Variants in ZNF407 observed in about 807,000 individuals in gnomAD.
The protein encoded by ZNF407 is zinc finger protein 407.
Under a neutral mutation model 131.2 loss-of-function variants are expected in ZNF407, and 17 were observed. The observed-to-expected ratio is 0.13, with a 90% CI of 0.09 to 0.19. ZNF407 has a LOEUF of 0.19. Among genes scored for constraint, ZNF407 ranks in the 10% least tolerant of loss-of-function variants. The pLI is 1.00. For missense variants in ZNF407, 2,681 were observed against 2,830.6 expected (o/e 0.95, Z 1.20); for synonymous variants, 1,156 against 1,062.0 (o/e 1.09, Z -1.72).
intron 3 of ZNF407, among the ~76,000 whole-genome samples, chr18:74,765,094 A>G (rs984151913): frequency 6.6e-6 from 1 of 152,146 alleles, no homozygotes; most frequent in African/African-American, 2.4e-5. Context: ...CATTATTTTT[A>G]TGTAAGGGAC....
Position 75,064,141 on chromosome 18 carries a change from G to A in ZNF407, c.6420G>A (p.Gly2140=), listed in dbSNP as rs962586061. The A allele has an allele frequency of 2.0e-5, 32 of 1,602,722 alleles. No individual in the cohort carries two copies. The highest frequency in any genetic ancestry group is 2.6e-5 in the Non-Finnish European group (31 of 1,174,912). ...GEHMDLVESD[G]EISQIIVTEE... is the part of the protein sequence containing the mutation. ...ACATGGATCTGGTGGAGTCCGACGG[G>A]GAGATCTCGCAGATCATCGTGACGG... is the stretch of plus-strand genomic sequence containing the variant. Residue 2140 remains glycine (G), a synonymous_variant, in exon 9 of 9, where the codon GGG becomes GGA. Transcript: ENST00000299687.
At chr18:74,890,074 G>T (rs750555296) in intron 7 of ZNF407, 36 bp downstream of exon 7, 2 of 1,462,728 alleles carry the variant, frequency 1.4e-6, no homozygotes, top group East Asian at 5.2e-5. Context: ...AATCAGGTGG[G>T]CCGCCATGAT....
rs956967988 is a variant in ZNF407 at position 74,641,188 on chromosome 18, G to A, written c.4802+66G>A. The A allele has an allele frequency of 1.1e-5, 15 of 1,341,310 alleles. No individual in the cohort carries two copies. In the Admixed American group the frequency reaches 1.4e-4, roughly 12 times the overall value. The allele number at this position is 1,341,310 out of a possible 1,614,324, so 83.1% of individuals were successfully genotyped here. A position where few individuals can be genotyped will look rare whatever the true frequency, so the allele number is the denominator to read the frequency against. ...GCATGTGCAGGATAGCCATTGTTTC[G>A]GAATTCAAAACCGATAGGAGTAAGA... On this transcript the variant is annotated intron_variant, in intron 3 of 8. Transcript: ENST00000299687.
chr18:74,746,788 T>TAA (rs1358016859), intron 3 of ZNF407, among the ~76,000 whole-genome samples: 3 of 142,976 alleles, frequency 2.1e-5, no homozygotes, highest in South Asian at 2.2e-4. Context: ...ACACTTAACT[T>TAA]AAAAAAAAAA....
At chr18:74,660,105 GC>G (rs1451292384) in intron 3 of ZNF407, among the ~76,000 whole-genome samples, 2 of 152,022 alleles carry the variant, frequency 1.3e-5, no homozygotes, top group Non-Finnish European at 2.9e-5. Context: ...GATCAGCATG[GC>G]CTCAAAATCC....
chr18:74,915,619 CGGG>C (rs1362352776), intron 7 of ZNF407, among the ~76,000 whole-genome samples: 1 of 91,836 alleles, frequency 1.1e-5, no homozygotes, highest in African/African-American at 4.7e-5. Flanking sequence ...TGGTTCGAAT[CGGG>C]AGTGTGTGTG....
intron 7 of ZNF407, among the ~76,000 whole-genome samples, chr18:74,908,461 A>AGC (rs1555698923): frequency 6.6e-6 from 1 of 152,224 alleles, no homozygotes; most frequent in Admixed American, 6.5e-5. Flanking sequence ...TTCCTAATTG[A>AGC]TGAAATGACA....
At chr18:74,636,225 GT>G (rs1234757009) in intron 2 of ZNF407, among the ~76,000 whole-genome samples, 1 of 152,162 alleles carries the variant, frequency 6.6e-6, no homozygotes, top group East Asian at 1.9e-4. Flanking sequence ...ACTTTCCAAA[GT>G]TAACATGTGC....
chr18:74,642,624 A>T (rs974698530), intron 3 of ZNF407, among the ~76,000 whole-genome samples: 10 of 152,192 alleles, frequency 6.6e-5, no homozygotes, highest in Admixed American at 6.5e-5. Context: ...CAAAAAGAAT[A>T]CACAATTGAT....
chr18:74,724,664 A>G (rs56407596), intron 3 of ZNF407, among the ~76,000 whole-genome samples: 28,643 of 152,126 alleles, frequency 0.19, 2,731 homozygotes, highest in Non-Finnish European at 0.21. Context: ...ATGCCATTCA[A>G]TATTCTTGGT....
intron 4 of ZNF407, among the ~76,000 whole-genome samples, chr18:74,847,718 T>G (rs754594465): frequency 6.6e-6 from 1 of 152,184 alleles, no homozygotes; most frequent in Non-Finnish European, 1.5e-5. Flanking sequence ...GTCAGCATAT[T>G]GCAGTGTGTG....
chr18:74,873,961 CTT>C (rs1971121471), intron 4 of ZNF407, among the ~76,000 whole-genome samples: 1 of 152,152 alleles, frequency 6.6e-6, no homozygotes. Flanking sequence ...TTGCTTGTGA[CTT>C]TGTTTCCTTT....
At chr18:74,847,269 G>A (rs560104950) in intron 4 of ZNF407, among the ~76,000 whole-genome samples, 1 of 152,262 alleles carries the variant, frequency 6.6e-6, no homozygotes, top group Non-Finnish European at 1.5e-5. Context: ...ATATGGGACA[G>A]TGTTTAACAG....
intron 8 of ZNF407, among the ~76,000 whole-genome samples, chr18:74,935,452 T>C (rs1220656924): frequency 6.6e-6 from 1 of 152,206 alleles, no homozygotes; most frequent in Non-Finnish European, 1.5e-5. Flanking sequence ...TTAACCTTGT[T>C]GTTCAGACAA....
chr18:74,878,597 T>C (rs988460571), intron 5 of ZNF407, among the ~76,000 whole-genome samples: 14 of 152,168 alleles, frequency 9.2e-5, no homozygotes, highest in African/African-American at 3.4e-4. Flanking sequence ...TTAGGTCTTG[T>C]AGTCTGCACC....
chr18:75,032,285 C>T (rs1410616601), intron 8 of ZNF407, among the ~76,000 whole-genome samples: 4 of 152,168 alleles, frequency 2.6e-5, no homozygotes. Flanking sequence ...AGTTGCTTCC[C>T]AGAATTAAGG....
At chr18:75,024,232 T>C (rs1240529986) in intron 8 of ZNF407, among the ~76,000 whole-genome samples, 1 of 152,212 alleles carries the variant, frequency 6.6e-6, no homozygotes, top group East Asian at 1.9e-4. Flanking sequence ...TTCAGGGGTG[T>C]ATTTGAAATT....
At chr18:74,907,303 T>C (rs1183786148) in intron 7 of ZNF407, among the ~76,000 whole-genome samples, 1 of 152,210 alleles carries the variant, frequency 6.6e-6, no homozygotes, top group Non-Finnish European at 1.5e-5. Flanking sequence ...CTCAATAACC[T>C]GCCGCATTCT....
intron 8 of ZNF407, among the ~76,000 whole-genome samples, chr18:74,971,907 A>T (rs1972477220): frequency 6.6e-6 from 1 of 152,208 alleles, no homozygotes; most frequent in Non-Finnish European, 1.5e-5. Flanking sequence ...GCAGTTCCAC[A>T]TGGCTGTGGA....
Sources: gnomAD v4.1 joint callset for allele counts (sites outside exome capture counted in the v4.1 genomes callset) on GRCh38, gnomAD v4.1.1 for gene constraint, MANE v1.5 for transcripts, NCBI Gene and HGNC (gene_info 2026-07-23, HGNC 2026-07-21) for gene names.